Variants in SNX8 observed in about 807,000 individuals in gnomAD.
SNX8 encodes the protein sorting nexin 8, also known as sorting nexin-8.
Under a neutral mutation model 51.6 loss-of-function variants are expected in SNX8, and 25 were observed. The observed-to-expected ratio is 0.48, with a 90% confidence interval of 0.35 to 0.68. SNX8 has a LOEUF of 0.68. Ranked by LOEUF, SNX8 falls within the 30% of genes least tolerant of loss-of-function variation. The pLI is 0.00. For synonymous variants in SNX8, 324 were observed against 277.0 expected, an observed-to-expected ratio of 1.17 and a Z score of -1.68; for missense variants, 695 against 624.0, an observed-to-expected ratio of 1.11 and a Z score of -1.21.
intron 1 of SNX8, among the ~76,000 whole-genome samples, chr7:2,305,798 A>G (rs560794318): frequency 6.6e-6 from 1 of 152,260 alleles, no homozygotes; most frequent in South Asian, 2.1e-4. Flanking sequence ...AAAGACAGCC[A>G]GACTAGGCAC....
intron 2 of SNX8, among the ~76,000 whole-genome samples, chr7:2,277,827 C>G (rs1351520905): frequency 6.6e-6 from 1 of 150,916 alleles, no homozygotes; most frequent in Non-Finnish European, 1.5e-5. Context: ...AAAAAAGAAA[C>G]AGGACTCCAG....
intron 1 of SNX8, among the ~76,000 whole-genome samples, chr7:2,328,182 G>C (rs1445621808): frequency 6.6e-6 from 1 of 152,120 alleles, no homozygotes; most frequent in Non-Finnish European, 1.5e-5. Context: ...CTCCCAAGTA[G>C]CTGGGACTAC....
intron 1 of SNX8, among the ~76,000 whole-genome samples, chr7:2,303,703 A>C (rs1438824927): frequency 6.6e-6 from 1 of 152,166 alleles, no homozygotes; most frequent in Non-Finnish European, 1.5e-5. Flanking sequence ...CTCAGGGTTA[A>C]ATGGATTAAG....
At chr7:2,334,332 G>A (rs959411736) in intron 1 of SNX8, among the ~76,000 whole-genome samples, 2 of 152,060 alleles carry the variant, frequency 1.3e-5, no homozygotes, top group African/African-American at 2.4e-5. Flanking sequence ...GAACCCGGGA[G>A]GCAGACGTTG....
At chr7:2,275,882 C>T (rs1795766974) in intron 2 of SNX8, among the ~76,000 whole-genome samples, 1 of 151,732 alleles carries the variant, frequency 6.6e-6, no homozygotes, top group African/African-American at 2.4e-5. Context: ...CCTGTAGTCC[C>T]AGCTACTCAG....
rs192682746 is a variant in SNX8, at chr7:2,263,715, G to A, written c.783-353C>T. On this transcript the variant is annotated intron_variant, in intron 6 of 10. Coordinates refer to ENST00000222990, the MANE Select transcript of SNX8 (RefSeq NM_013321.4). ...TGGTCTGTTCTTCCCCAAGTCAAAGGGATCTTTTTTTTTTTTGAGACGGAG... is the reference window on the plus strand; with the variant it reads ...TGGTCTGTTCTTCCCCAAGTCAAAGAGATCTTTTTTTTTTTTGAGACGGAG... 4.2e-3 allele frequency among the ~76,000 whole-genome samples: 642 copies of A among 152,052 alleles called. 5 individuals are homozygous for A. The highest frequency in any genetic ancestry group is 0.014 in the African/African-American group (601 of 41,480).
intron 1 of SNX8, among the ~76,000 whole-genome samples, chr7:2,327,265 AGTCTGGCTCT>A (rs1011915527): frequency 6.6e-6 from 1 of 152,026 alleles, no homozygotes; most frequent in African/African-American, 2.4e-5. Flanking sequence ...TTTGAGACAG[AGTCTGGCTCT>A]GTTGCCCAGG....
At chr7:2,276,105 C>A (rs879896246) in intron 2 of SNX8, among the ~76,000 whole-genome samples, 3 of 152,118 alleles carry the variant, frequency 2.0e-5, no homozygotes, top group African/African-American at 7.2e-5. Context: ...GCCCCCTTGA[C>A]AAATGTTCCC....
At chr7:2,329,880 T>A (rs1262738006) in intron 1 of SNX8, among the ~76,000 whole-genome samples, 7 of 150,938 alleles carry the variant, frequency 4.6e-5, no homozygotes, top group Admixed American at 6.7e-5. Flanking sequence ...CAGGCTGGAG[T>A]GCAGTGGTGC....
intron 1 of SNX8, among the ~76,000 whole-genome samples, chr7:2,294,156 G>A (rs1275395714): frequency 6.6e-6 from 1 of 151,330 alleles, no homozygotes; most frequent in Non-Finnish European, 1.5e-5. Flanking sequence ...TCAGCTACTC[G>A]GGAGGCTGAG....
intron 1 of SNX8, among the ~76,000 whole-genome samples, chr7:2,347,611 T>TTC (rs1490590844): frequency 3.0e-4 from 38 of 125,518 alleles, no homozygotes; most frequent in South Asian, 5.4e-4. Flanking sequence ...CCACACTGGA[T>TTC]TCTTTTTTTT....
In SNX8 at chr7:2,314,441, T is replaced by C; in HGVS notation, c.-20A>G. 1.7e-6 allele frequency: 2 copies of C among 1,209,066 alleles called. No homozygotes were observed. Among genetic ancestry groups the C allele is most frequent in the Non-Finnish European group, 2.1e-6 (2 of 973,208 alleles). 74.9% of individuals were successfully genotyped at this position (1,209,066 alleles called of 1,614,324 possible). ...AGTCATGTGAGCCCGCGCTCCCACGTGACTTCCTCCCGCGCCACCCGGCCG... is the reference window on the plus strand; with the variant it reads ...AGTCATGTGAGCCCGCGCTCCCACGCGACTTCCTCCCGCGCCACCCGGCCG... On this transcript the variant is annotated 5_prime_UTR_variant, in exon 1 of 11. Coordinates refer to ENST00000222990, the MANE Select transcript of SNX8 (RefSeq NM_013321.4).
chr7:2,283,397 C>G (rs1795953220), intron 1 of SNX8, among the ~76,000 whole-genome samples: 1 of 152,236 alleles, frequency 6.6e-6, no homozygotes. Context: ...ACACCCCCAG[C>G]TCCAGGTCCG....
intron 4 of SNX8, among the ~76,000 whole-genome samples, chr7:2,270,850 C>A (rs1260139236): frequency 6.6e-6 from 1 of 152,110 alleles, no homozygotes; most frequent in African/African-American, 2.4e-5. Context: ...CAGAGGCCGT[C>A]AGGTCCCCAT....
At chr7:2,261,088 C>T (rs987881010) in intron 7 of SNX8, among the ~76,000 whole-genome samples, 1 of 152,192 alleles carries the variant, frequency 6.6e-6, no homozygotes, top group East Asian at 1.9e-4. Flanking sequence ...ACAAGAATGG[C>T]TTTTATGCTT....
At chr7:2,273,034 A>C (rs1238365570) in intron 3 of SNX8, among the ~76,000 whole-genome samples, 1 of 151,716 alleles carries the variant, frequency 6.6e-6, no homozygotes, top group Admixed American at 6.6e-5. Flanking sequence ...AGGTTTCACC[A>C]TGTTGGTCAT....
At chr7:2,267,907 G>A (rs1340780569) in intron 5 of SNX8, among the ~76,000 whole-genome samples, 5 of 111,042 alleles carry the variant, frequency 4.5e-5, no homozygotes, top group Admixed American at 2.6e-4. Context: ...AGGAAGTGAG[G>A]AGCGTCTCTG....
intron 1 of SNX8, among the ~76,000 whole-genome samples, chr7:2,291,990 G>A (rs957622151): frequency 2.0e-5 from 3 of 152,192 alleles, no homozygotes; most frequent in Non-Finnish European, 2.9e-5. Context: ...ATGGCTGGGC[G>A]CACTGGCTCA....
chr7:2,310,533 C>T (rs939635927), intron 1 of SNX8, among the ~76,000 whole-genome samples: 31 of 151,964 alleles, frequency 2.0e-4, no homozygotes, highest in African/African-American at 7.5e-4. Context: ...TTTGGTAGGC[C>T]GAGGCAGGCA....
Sources: gnomAD v4.1 joint callset for allele counts (sites outside exome capture counted in the v4.1 genomes callset) on GRCh38, gnomAD v4.1.1 for gene constraint, MANE v1.5 for transcripts, NCBI Gene and HGNC (gene_info 2026-07-23, HGNC 2026-07-21) for gene names.